The following SATL1 variants were observed in gnomAD, a reference collection of about 807,000 sequenced individuals.
The protein encoded by SATL1 is spermidine/spermine N(1)-acetyltransferase-like protein 1.
Under a neutral mutation model 51.8 loss-of-function variants are expected in SATL1, and 47 were observed. The observed-to-expected ratio is 0.91, with a 90% CI of 0.72 to 1.16. SATL1 has a LOEUF of 1.16. Ranked by LOEUF, SATL1 falls within the 50% of genes most tolerant of loss-of-function variation. SATL1 has a pLI of 0.00. For missense variants in SATL1, 520 were observed against 526.4 expected, an observed-to-expected ratio of 0.99 and a Z score of 0.12; for synonymous variants, 176 against 182.4, an observed-to-expected ratio of 0.97 and a Z score of 0.28.
intron 2 of SATL1, among the ~76,000 whole-genome samples, chrX:85,132,115 C>A (rs1925822421): frequency 9.0e-6 from 1 of 110,928 alleles, no homozygotes; most frequent in Non-Finnish European, 1.9e-5. Context: ...GTGTATCTGA[C>A]AATTATGTGT....
chrX:85,204,482 A>T (rs747854361), intron 2 of SATL1, among the ~76,000 whole-genome samples: 9 of 111,884 alleles, frequency 8.0e-5, no homozygotes, highest in Non-Finnish European at 1.3e-4. Context: ...TTTTCATTTC[A>T]CAAGCCTATC....
At chrX:85,129,146 A>G (rs1035002303) in intron 2 of SATL1, among the ~76,000 whole-genome samples, 11 of 111,713 alleles carry the variant, frequency 9.8e-5, no homozygotes, top group Non-Finnish European at 1.1e-4. Context: ...TTTTGGTTCT[A>G]CATGAACTTT....
chrX:85,109,205 G>A lies in SATL1; in HGVS notation c.-237C>T, dbSNP rs376375178. 3.7e-5 allele frequency: 15 copies of A among 402,068 alleles called. No homozygotes were observed. Among genetic ancestry groups the A allele is most frequent in the African/African-American group, 7.5e-5 (3 of 39,857 alleles). 33.1% of individuals were successfully genotyped at this position (402,068 alleles called of 1,213,427 possible). On this transcript the variant is annotated 5_prime_UTR_variant, in exon 3 of 8. Coordinates refer to ENST00000644105, the MANE Select transcript of SATL1 (RefSeq NM_001367857.2). ...CCTCAGGAAGATTATTAATGCCTCC[G>A]GTTTGCTGGAGTTGACTTCACCAGC...
chrX:85,171,482 T>G (rs1926971899), intron 2 of SATL1, among the ~76,000 whole-genome samples: 1 of 111,838 alleles, frequency 8.9e-6, no homozygotes, highest in Non-Finnish European at 1.9e-5. Flanking sequence ...TCTCCTTTTC[T>G]GTTTCTGTTC....
At chrX:85,205,168 T>G (rs17325019) in intron 2 of SATL1, among the ~76,000 whole-genome samples, 10 of 111,600 alleles carry the variant, frequency 9.0e-5, no homozygotes, top group Non-Finnish European at 1.9e-4. Context: ...GATTACAGAC[T>G]CTATAGGAGA....
chrX:85,227,458 G>C lies in SATL1; in HGVS notation c.-434-3132C>G, dbSNP rs982095798. 4.5e-5 allele frequency among the ~76,000 whole-genome samples: 5 copies of C among 111,875 alleles called. No individual in the cohort carries two copies. The Admixed American group carries it at 4.7e-4, about 11-fold the overall frequency. On this transcript the variant is annotated intron_variant, in intron 1 of 7. Coordinates refer to ENST00000644105, the MANE Select transcript of SATL1 (RefSeq NM_001367857.2). ...ATAGATCTAAACAAAAATTATCAAT[G>C]GCTGCTAACATCCCAACAAGGGAAA...
At chrX:85,181,073 G>GT (rs1927190096) in intron 2 of SATL1, among the ~76,000 whole-genome samples, 1 of 107,081 alleles carries the variant, frequency 9.3e-6, no homozygotes, top group Non-Finnish European at 1.9e-5. Context: ...CCTGAAAAAC[G>GT]TAAGTGAAAA....
intron 2 of SATL1, among the ~76,000 whole-genome samples, chrX:85,221,238 C>A (rs1712101737): frequency 8.9e-6 from 1 of 111,764 alleles, no homozygotes; most frequent in South Asian, 3.8e-4. Flanking sequence ...ATATCTACAT[C>A]TATATCATGT....
chrX:85,137,816 C>T (rs1438033109), intron 2 of SATL1, among the ~76,000 whole-genome samples: 1 of 110,462 alleles, frequency 9.1e-6, no homozygotes, highest in Non-Finnish European at 1.9e-5. Flanking sequence ...TTTAATTGTC[C>T]GACAGTTCTT....
intron 1 of SATL1, among the ~76,000 whole-genome samples, chrX:85,224,973 C>T (rs1928247950): frequency 3.6e-5 from 4 of 110,792 alleles, no homozygotes; most frequent in Admixed American, 2.9e-4. Flanking sequence ...CATACAACAA[C>T]CTGAATGGAT....
chrX:85,213,687 T>C (rs1602917641), intron 2 of SATL1, among the ~76,000 whole-genome samples: 2 of 112,012 alleles, frequency 1.8e-5, no homozygotes, highest in Admixed American at 1.9e-4. Context: ...AGGATTTTGA[T>C]TATGCAGTAA....
intron 2 of SATL1, among the ~76,000 whole-genome samples, chrX:85,162,053 C>T (rs1409249726): frequency 1.8e-5 from 2 of 111,466 alleles, no homozygotes; most frequent in Non-Finnish European, 3.8e-5. Context: ...ATAATCTCCT[C>T]CTGAATGGCT....
chrX:85,223,868 T>C (rs1928222560), intron 2 of SATL1, among the ~76,000 whole-genome samples: 1 of 110,997 alleles, frequency 9.0e-6, no homozygotes, highest in African/African-American at 3.3e-5. Flanking sequence ...TAGGAGTGAC[T>C]GAAGTAATGG....
At chrX:85,187,559 G>T (rs1221199683) in intron 2 of SATL1, among the ~76,000 whole-genome samples, 1 of 111,768 alleles carries the variant, frequency 8.9e-6, no homozygotes, top group Non-Finnish European at 1.9e-5. Flanking sequence ...TGCCTTTTCT[G>T]CAGCTATTGA....
chrX:85,136,174 G>A (rs1201818062), intron 2 of SATL1, among the ~76,000 whole-genome samples: 1 of 110,053 alleles, frequency 9.1e-6, no homozygotes, highest in African/African-American at 3.3e-5. Context: ...GCATATAGGA[G>A]AAAGAATAGA....
intron 3 of SATL1, among the ~76,000 whole-genome samples, chrX:85,106,962 G>A (rs1925058861): frequency 9.0e-6 from 1 of 111,150 alleles, no homozygotes; most frequent in African/African-American, 3.3e-5. Flanking sequence ...ATTTGTTTAA[G>A]GTAAGCATTT....
chrX:85,093,121 C>T (rs1191596085), intron 7 of SATL1, 64 bp downstream of exon 7: 17 of 1,010,282 alleles, frequency 1.7e-5, no homozygotes, highest in Non-Finnish European at 2.3e-5. Context: ...TTAATTTATG[C>T]CCTGTGAATA....
At chrX:85,203,001 G>A (rs1306099504) in intron 2 of SATL1, among the ~76,000 whole-genome samples, 1 of 111,591 alleles carries the variant, frequency 9.0e-6, no homozygotes, top group Admixed American at 9.4e-5. Context: ...GTCCAGGCCT[G>A]CAGGACCTGC....
chrX:85,093,092 A>G, intron 7 of SATL1, 93 bp downstream of exon 7: 1 of 901,916 alleles, frequency 1.1e-6, no homozygotes, highest in Non-Finnish European at 1.5e-6. Context: ...GGTTATGTTC[A>G]AATGGTGAGA....
Sources: allele counts gnomAD v4.1 joint callset (sites outside exome capture counted in the v4.1 genomes callset), GRCh38; gene constraint gnomAD v4.1.1; transcripts MANE v1.5; gene names NCBI Gene and HGNC (gene_info 2026-07-23, HGNC 2026-07-21).